BTN2A1: variants seen among roughly 807,000 people sequenced by gnomAD.
BTN2A1 encodes the protein butyrophilin, subfamily 2, member A1.
In BTN2A1, 41 loss-of-function variants were observed where a neutral mutation model predicts 34.5. The ratio of observed to expected loss-of-function variants is 1.19; its 90% CI spans 0.93 to 1.54. The LOEUF (loss-of-function observed/expected upper bound fraction) is 1.54, where lower values mean the gene tolerates loss of function less well. BTN2A1 is among the 40% of genes most tolerant of loss of function. BTN2A1 has a pLI of 0.00. For synonymous variants in BTN2A1, 267 were observed against 258.6 expected, an observed-to-expected ratio of 1.03 and a Z score of -0.31; for missense variants, 642 against 662.0, an observed-to-expected ratio of 0.97 and a Z score of 0.33.
intron 4 of BTN2A1, 146 bp from the exon 5 acceptor site, chr6:26,465,039 C>G (rs1581672451): frequency 2.9e-6 from 2 of 692,438 alleles, no homozygotes; most frequent in South Asian, 1.9e-5. Context: ...CAGGTGTGAG[C>G]CAGCATCACT....
rs781067055 is a variant in BTN2A1, at chr6:26,468,148, G to A, written c.1183G>A (p.Val395Met). The A allele has an allele frequency of 3.2e-5, 52 of 1,614,184 alleles. No homozygotes were observed. Among genetic ancestry groups the A allele is most frequent in the Non-Finnish European group, 4.1e-5 (48 of 1,180,032 alleles). The change falls in exon 8 of 8, where the codon GTG becomes ATG. Residue 395 changes from valine (V) to methionine (M), a missense_variant. Coordinates refer to ENST00000312541, the MANE Select transcript of BTN2A1 (RefSeq NM_007049.5). ...KHYWEVEVEN[V>M]IEWTVGVCRD... ...TTACTGGGAGGTGGAGGTGGAAAAC[G>A]TGATTGAGTGGACTGTGGGGGTCTG... is the stretch of plus-strand genomic sequence containing the variant.
At chr6:26,463,748 T>G (rs544920319) in intron 4 of BTN2A1, among the ~76,000 whole-genome samples, 1 of 150,938 alleles carries the variant, frequency 6.6e-6, no homozygotes, top group East Asian at 1.9e-4. Flanking sequence ...TAAACCTGTT[T>G]TTGTTGTTGT....
intron 7 of BTN2A1, 113 bp from the exon 8 acceptor site, chr6:26,467,835 G>A (rs1763356603): frequency 3.2e-6 from 5 of 1,556,768 alleles, no homozygotes; most frequent in Non-Finnish European, 4.3e-6. Context: ...CATGGAAGTG[G>A]CCACTACGTG....
exon 8 of BTN2A1, chr6:26,476,417 C>A (rs987381811): frequency 2.9e-6 from 2 of 696,746 alleles, no homozygotes; most frequent in Non-Finnish European, 5.4e-6. Context: ...GATGTCTGCT[C>A]ACCCTCATTC....
downstream of BTN2A1, among the ~76,000 whole-genome samples, chr6:26,471,354 T>G (rs562573133): frequency 7.0e-4 from 107 of 152,340 alleles, no homozygotes; most frequent in African/African-American, 2.4e-3. Flanking sequence ...GGTAAGAGCC[T>G]GCATCCTTGT....
Position 26,465,339 on chromosome 6 carries a change from A to G in BTN2A1, c.867A>G (p.Thr289=). ...GGGAAAAGGAGTTTGAACGGGAAAC[A>G]AGAGAAATTGCTCTAAAGGAACTGG... The part of the protein sequence containing the change: ...LSGEKEFERE[T]REIALKELEK... The change falls in exon 5 of 8, where the codon ACA becomes ACG. Residue 289 remains threonine (T), a synonymous_variant. Coordinates refer to ENST00000312541, the MANE Select transcript of BTN2A1 (RefSeq NM_007049.5). 1 of 1,613,822 alleles carries G rather than the reference A, an allele frequency of 6.2e-7. No homozygotes were observed. Among genetic ancestry groups the G allele is most frequent in the Non-Finnish European group, 8.5e-7 (1 of 1,179,694 alleles).
rs765694823 is a variant in BTN2A1 at position 26,465,335 on chromosome 6, A to T, written c.863A>T (p.Glu288Val). The change falls in exon 5 of 8, where the codon GAA becomes GTA. Residue 288 changes from glutamate to valine, a missense_variant. Physicochemically the swap from Glu to Val is moderately radical, Grantham distance 121. Transcript: ENST00000312541. ...ILSGEKEFER[E>V]TREIALKELE... Reference sequence around the variant, plus strand: ...TCAGGGGAAAAGGAGTTTGAACGGGAAACAAGAGAAATTGCTCTAAAGGAA... The same window carrying T: ...TCAGGGGAAAAGGAGTTTGAACGGGTAACAAGAGAAATTGCTCTAAAGGAA... The T allele has an allele frequency of 1.2e-6, 2 of 1,614,196 alleles. No individual in the cohort carries two copies. Among genetic ancestry groups the T allele is most frequent in the Non-Finnish European group, 1.7e-6 (2 of 1,180,034 alleles).
chr6:26,467,667 G>C lies in BTN2A1; in HGVS notation c.983-281G>C. 5.3e-6 allele frequency: 8 copies of C among 1,523,110 alleles called. No individual in the cohort carries two copies. In the South Asian group the frequency reaches 9.7e-5, roughly 18 times the overall value. 94.3% of individuals were successfully genotyped at this position (1,523,110 alleles called of 1,614,324 possible). A position where few individuals can be genotyped will look rare whatever the true frequency, so the allele number is the denominator to read the frequency against. ...ACACATCTTAGAATGCTGAGAGAAA[G>C]TATAAGAATGATTGATTTTACTTCA... is the stretch of plus-strand genomic sequence containing the variant. On this transcript the variant is annotated intron_variant, in intron 7 of 7. Coordinates refer to ENST00000312541, the MANE Select transcript of BTN2A1 (RefSeq NM_007049.5).
At position 26,466,018 on chromosome 6, in the gene BTN2A1, C is replaced by T. The variant is rs1417181524; in HGVS notation, c.956-44C>T. ...AACTACATGTACAATTTGAGTTCTG[C>T]TCAGCAACATCTCATGACATTCGTC... On this transcript the variant is annotated intron_variant, in intron 6 of 7. Coordinates refer to ENST00000312541, the MANE Select transcript of BTN2A1 (RefSeq NM_007049.5). The T allele has an allele frequency of 2.5e-6, 4 of 1,614,214 alleles. No individual in the cohort carries two copies. The Admixed American group carries it at 6.7e-5, about 27-fold the overall frequency.
exon 8 of BTN2A1, chr6:26,476,506 G>A (rs1763540190): frequency 7.9e-6 from 3 of 378,140 alleles, no homozygotes; most frequent in Non-Finnish European, 1.5e-5. Flanking sequence ...TAAATATAAA[G>A]TATAAAAAGA....
At position 26,459,542 on chromosome 6, in the gene BTN2A1, G is replaced by A. The variant is rs374671070; in HGVS notation, c.144G>A (p.Thr48=). The A allele has an allele frequency of 6.8e-6, 11 of 1,613,880 alleles. No individual in the cohort carries two copies. Among genetic ancestry groups the A allele is most frequent in the South Asian group, 1.1e-5 (1 of 91,078 alleles). ...PILATVGENT[T]LRCHLSPEKN... ...TGGCCACGGTTGGAGAAAACACTAC[G>A]TTACGCTGCCATCTGTCACCCGAGA... The change falls in exon 3 of 8, where the codon ACG becomes ACA. Residue 48 remains threonine (T), a synonymous_variant. Coordinates refer to ENST00000312541, the MANE Select transcript of BTN2A1 (RefSeq NM_007049.5).
At chr6:26,474,279 A>G (rs1003650043), downstream of BTN2A1, among the ~76,000 whole-genome samples, 1 of 152,174 alleles carries the variant, frequency 6.6e-6, no homozygotes, top group East Asian at 1.9e-4. Context: ...AAGTGATCAG[A>G]CTATGTTCAA....
intron 7 of BTN2A1, among the ~76,000 whole-genome samples, chr6:26,466,969 C>T (rs1763331663): frequency 6.6e-6 from 1 of 152,158 alleles, no homozygotes; most frequent in Non-Finnish European, 1.5e-5. Flanking sequence ...AGACATCAGA[C>T]CCATGTTGTT....
chr6:26,462,757 C>A lies in BTN2A1; in HGVS notation c.431-487C>A, dbSNP rs1466752671. On this transcript the variant is annotated intron_variant, in intron 3 of 7. Coordinates refer to ENST00000312541, the MANE Select transcript of BTN2A1 (RefSeq NM_007049.5). ...GATCAAAAGGTTTCTTAGGATTCTG[C>A]CCGCCTGGCAGACTTTCGTCCTTCT... The A allele has an allele frequency of 8.8e-6, 11 of 1,252,068 alleles. No homozygotes were observed. The Admixed American group carries it at 2.3e-4, about 26-fold the overall frequency. The allele number at this position is 1,252,068 out of a possible 1,614,324, so 77.6% of individuals were successfully genotyped here. A position where few individuals can be genotyped will look rare whatever the true frequency, so the allele number is the denominator to read the frequency against.
chr6:26,468,384 C>T lies in BTN2A1; in HGVS notation c.1419C>T (p.Tyr473=), dbSNP rs1471892835. ...FYNMRDRSHI[Y]TCPRSAFSVP... ...ACATGAGGGACAGATCGCACATCTA[C>T]ACATGTCCCCGTTCAGCCTTTTCCG... The change falls in exon 8 of 8, where the codon TAC becomes TAT. Residue 473 remains tyrosine, a synonymous_variant. Transcript: ENST00000312541. 1 of 1,614,106 alleles carries T rather than the reference C, an allele frequency of 6.2e-7. No individual in the cohort carries two copies. The highest frequency in any genetic ancestry group is 8.5e-7 in the Non-Finnish European group (1 of 1,180,056).
Position 26,458,610 on chromosome 6 carries a change from T to C in BTN2A1, c.-27T>C. On this transcript the variant is annotated 5_prime_UTR_variant, in exon 2 of 8. Coordinates refer to ENST00000312541, the MANE Select transcript of BTN2A1 (RefSeq NM_007049.5). ...TGATTCTCCTCTGTAACCCTAGGCC[T>C]CCTGTCCCTGCCTGCTCTGGGTGCT... 6.2e-7 allele frequency: 1 copy of C among 1,613,654 alleles called. No individual in the cohort carries two copies. The highest frequency in any genetic ancestry group is 8.5e-7 in the Non-Finnish European group (1 of 1,179,610).
chr6:26,458,294 G>C (rs1763061852), intron 1 of BTN2A1, among the ~76,000 whole-genome samples, 152 bp downstream of exon 1: 2 of 152,144 alleles, frequency 1.3e-5, no homozygotes, highest in African/African-American at 4.8e-5. Context: ...CAGGCTGCCC[G>C]GCCTGGGTCG....
At chr6:26,458,524 C>G (rs908431710) in intron 1 of BTN2A1, 83 bp from the exon 2 acceptor site, 1 of 1,115,554 alleles carries the variant, frequency 9.0e-7, no homozygotes, top group African/African-American at 1.5e-5. Context: ...ACTGATGAGA[C>G]CTACTTGAGT....
At position 26,458,725 on chromosome 6, in the gene BTN2A1, A is replaced by G. The variant is rs1219211884; in HGVS notation, c.82+7A>G. The stretch of plus-strand genomic sequence containing the variant: ...CTGTGTGCACTGGTCTCAGGTAGGG[A>G]TGTGTGCCACTTGCTGCTGTCACCT... On this transcript the variant is annotated splice_region_variant and intron_variant, in intron 2 of 7. Coordinates refer to ENST00000312541, the MANE Select transcript of BTN2A1 (RefSeq NM_007049.5). 1.9e-6 allele frequency: 3 copies of G among 1,613,882 alleles called. No homozygotes were observed. The highest frequency in any genetic ancestry group is 1.7e-5 in the Admixed American group (1 of 60,000).
Sources: allele counts gnomAD v4.1 joint callset (sites outside exome capture counted in the v4.1 genomes callset), GRCh38; gene constraint gnomAD v4.1.1; transcripts MANE v1.5; gene names NCBI Gene and HGNC (gene_info 2026-07-23, HGNC 2026-07-21).